Variants in SRPK3 observed in about 807,000 individuals in gnomAD.
The protein encoded by SRPK3 is SFRS protein kinase 3.
In SRPK3, 26 loss-of-function variants were observed where a neutral mutation model predicts 45.3. The ratio of observed to expected loss-of-function variants is 0.57; its 90% CI spans 0.42 to 0.80. The LOEUF (loss-of-function observed/expected upper bound fraction) is 0.80. Among genes scored for constraint, SRPK3 ranks in the 30% least tolerant of loss-of-function variants. The pLI is 0.00. For synonymous variants in SRPK3, 254 were observed against 226.6 expected, an observed-to-expected ratio of 1.12 and a Z score of -1.09; for missense variants, 536 against 514.5, an observed-to-expected ratio of 1.04 and a Z score of -0.40.
rs1281384252 is a variant in SRPK3, at chrX:153,783,257, T to C, written c.774+6T>C. 8.4e-7 allele frequency: 1 copy of C among 1,188,921 alleles called. No individual in the cohort carries two copies. The highest frequency in any genetic ancestry group is 1.1e-6 in the Non-Finnish European group (1 of 883,316). ...CTGCCCCCCAGGAGGTCTTGGTAAG[T>C]TGGGGGGCCCCTCTCTCCCATGCCT... On this transcript the variant is annotated splice_donor_region_variant and intron_variant, in intron 8 of 14. Transcript: ENST00000370101.
chrX:153,785,416 C>T lies in SRPK3; in HGVS notation c.1600C>T (p.Gln534Ter). ...LMEKYEWPLEQATQFSAFLLP... is the reference protein window; with the variant it reads ...LMEKYEWPLE The stretch of plus-strand genomic sequence containing the variant: ...GGAAAAGTACGAGTGGCCCCTAGAG[C>T]AGGCCACACAGTTCAGCGCCTTTCT... Residue 534 changes from glutamine to a stop codon, truncating the protein, a stop_gained, in exon 15 of 15, where the codon CAG becomes TAG. Transcript: ENST00000370101. LOFTEE classifies it high-confidence loss of function. The T allele has an allele frequency of 8.3e-7, 1 of 1,211,064 alleles. No individual in the cohort carries two copies. The highest frequency in any genetic ancestry group is 1.1e-6 in the Non-Finnish European group (1 of 895,233).
Position 153,781,733 on chromosome X carries a change from G to C in SRPK3, c.300-10G>C, listed in dbSNP as rs781924438. The C allele has an allele frequency of 5.8e-6, 7 of 1,209,846 alleles. No homozygotes were observed. The Admixed American group carries it at 8.7e-5, about 15-fold the overall frequency. ...CAGGGCCACAGCCTACAAGGGTCTC[G>C]GTATTGCAGGCGCAAGCGCTTTGTG... is the stretch of plus-strand genomic sequence containing the variant. On this transcript the variant is annotated splice_polypyrimidine_tract_variant and intron_variant, in intron 3 of 14. Coordinates refer to ENST00000370101, the MANE Select transcript of SRPK3 (RefSeq NM_014370.4).
Position 153,783,697 on chromosome X carries a change from T to G in SRPK3, c.775-55T>G. 5.8e-6 allele frequency: 7 copies of G among 1,201,352 alleles called. No homozygotes were observed. The South Asian group carries it at 1.1e-4, about 18-fold the overall frequency. On this transcript the variant is annotated intron_variant, in intron 8 of 14. Coordinates refer to ENST00000370101, the MANE Select transcript of SRPK3 (RefSeq NM_014370.4). ...GGCGGCTGTGCAGGGAAACCTCCACTTCATGCTGACTGGGGCGGGCGACAG... is the reference window on the plus strand; with the variant it reads ...GGCGGCTGTGCAGGGAAACCTCCACGTCATGCTGACTGGGGCGGGCGACAG...
rs1285958295 is a variant in SRPK3, at chrX:153,783,073, A to G, written c.703A>G (p.Thr235Ala). 2.6e-6 allele frequency: 3 copies of G among 1,169,139 alleles called. No individual in the cohort carries two copies. The African/African-American group carries it at 5.3e-5, about 21-fold the overall frequency. Reference protein sequence around the residue: ...AYIRRLAAEATEWQQAGAPPP... With the variant: ...AYIRRLAAEAAEWQQAGAPPP... ...CATCAGGCGCCTGGCTGCCGAGGCCACGGAGTGGCAACAGGCAGGGGCGCC... is the reference window on the plus strand; with the variant it reads ...CATCAGGCGCCTGGCTGCCGAGGCCGCGGAGTGGCAACAGGCAGGGGCGCC... Residue 235 changes from threonine to alanine, a missense_variant, in exon 7 of 15, where the codon ACG becomes GCG. Physicochemically the swap from Thr to Ala is moderately conservative, Grantham distance 58. Transcript: ENST00000370101.
rs782277637 is a variant in SRPK3, at chrX:153,781,128, CGGCGGCAGT to C, written c.43_51del (p.Gly15_Ser17del). On this transcript the variant is annotated inframe_deletion, in exon 1 of 15. Transcript: ENST00000370101. ...GCGGTGGTGGGGACAGCGGCGGCAG[CGGCGGCAGT>C]AGCAGCAGGTAGGGCTCGGCTGGGG... 15 of 1,152,049 alleles carry C rather than the reference CGGCGGCAGT, an allele frequency of 1.3e-5. No homozygotes were observed. Among genetic ancestry groups the C allele is most frequent in the Middle Eastern group, 3.2e-4 (1 of 3,140 alleles). The allele number at this position is 1,152,049 out of a possible 1,213,427, so 94.9% of individuals were successfully genotyped here. A position where few individuals can be genotyped will look rare whatever the true frequency, so the allele number is the denominator to read the frequency against.
In SRPK3 at chrX:153,784,275, C is replaced by A. The variant is rs956411084; in HGVS notation, c.1148-19C>A. 1.4e-5 allele frequency: 17 copies of A among 1,211,328 alleles called. No homozygotes were observed. The highest frequency in any genetic ancestry group is 1.7e-5 in the Non-Finnish European group (15 of 895,444). The stretch of plus-strand genomic sequence containing the variant: ...GCAGTAGTCGGACCACTTCAGTCTC[C>A]CTGCTCTGCCTTCCCCAGCACCATT... On this transcript the variant is annotated intron_variant, in intron 10 of 14. Transcript: ENST00000370101.
intron 7 of SRPK3, 52 bp from the exon 8 acceptor site, chrX:153,783,174 G>A: frequency 1.8e-6 from 2 of 1,138,893 alleles, no homozygotes; most frequent in Admixed American, 2.3e-5. Flanking sequence ...ACCCCTGCCT[G>A]AGTCTCTGTT....
In SRPK3 at chrX:153,784,108, TCA is replaced by T. The variant is rs782573029; in HGVS notation, c.1045_1046del (p.Gln349AspfsTer33). The T allele has an allele frequency of 8.3e-7, 1 of 1,210,793 alleles. No homozygotes were observed. The highest frequency in any genetic ancestry group is 1.1e-6 in the Non-Finnish European group (1 of 895,487). ...PGGGRSLSAG[S>X]QTSGFSGSLF... ...GGGCGGCCGTAGCCTCAGCGCGGGC[TCA>T]CAGACCTCAGGCTTCTCCGGCTCCC... On this transcript the variant is annotated frameshift_variant, in exon 10 of 15. Coordinates refer to ENST00000370101, the MANE Select transcript of SRPK3 (RefSeq NM_014370.4). LOFTEE classifies it high-confidence loss of function.
chrX:153,781,293 G>A lies in SRPK3; in HGVS notation c.137G>A (p.Gly46Asp). 2 of 1,207,363 alleles carry A rather than the reference G, an allele frequency of 1.7e-6. No individual in the cohort carries two copies. Among genetic ancestry groups the A allele is most frequent in the Non-Finnish European group, 2.2e-6 (2 of 893,392 alleles). ...ACACCGGTGCCTCAGATGCTGCAGGGCCTTCTGGGCTCCGACGACGAGGAA... is the reference window on the plus strand; with the variant it reads ...ACACCGGTGCCTCAGATGCTGCAGGACCTTCTGGGCTCCGACGACGAGGAA... ...LATPVPQMLQGLLGSDDEEQE... is the reference protein window; with the variant it reads ...LATPVPQMLQDLLGSDDEEQE... The change falls in exon 2 of 15, where the codon GGC becomes GAC. Residue 46 changes from glycine (G) to aspartate (D), a missense_variant. Transcript: ENST00000370101.
chrX:153,782,010 C>T (rs1207730797), intron 4 of SRPK3, 111 bp from the exon 5 acceptor site: 16 of 889,333 alleles, frequency 1.8e-5, no homozygotes, highest in South Asian at 8.6e-5. Flanking sequence ...GAGGGGTTGG[C>T]GGCCTTTCTT....
intron 5 of SRPK3, 51 bp downstream of exon 5, chrX:153,782,259 T>C (rs782598420): frequency 1.9e-6 from 2 of 1,056,498 alleles, no homozygotes; most frequent in Admixed American, 2.2e-5. Context: ...GGCCGGCAAA[T>C]GGGGGGGCCC....
Position 153,784,299 on chromosome X carries a change from T to C in SRPK3, c.1153T>C (p.Phe385Leu), listed in dbSNP as rs782387164. The stretch of plus-strand genomic sequence containing the variant: ...CCCTGCTCTGCCTTCCCCAGCACCA[T>C]TCGGTGCCTCGAACCTCCTGGTGAA... Reference protein sequence around the residue: ...TGGLLSPSTPFGASNLLVNPL... With the variant: ...TGGLLSPSTPLGASNLLVNPL... Residue 385 changes from phenylalanine (F) to leucine (L), a missense_variant, in exon 11 of 15, where the codon TTC becomes CTC. Phe to Leu is a conservative substitution (Grantham distance 22). Transcript: ENST00000370101. 1.7e-6 allele frequency: 2 copies of C among 1,211,375 alleles called. No individual in the cohort carries two copies. The highest frequency in any genetic ancestry group is 1.7e-5 in the African/African-American group (1 of 57,894).
chrX:153,781,071 G>C lies in SRPK3; in HGVS notation c.-16G>C. 1 of 1,055,635 alleles carries C rather than the reference G, an allele frequency of 9.5e-7. No individual in the cohort carries two copies. The allele number at this position is 1,055,635 out of a possible 1,213,427, so 87.0% of individuals were successfully genotyped here. A position where few individuals can be genotyped will look rare whatever the true frequency, so the allele number is the denominator to read the frequency against. On this transcript the variant is annotated 5_prime_UTR_variant, in exon 1 of 15. Transcript: ENST00000370101. ...CAGCCGCCCGGGGCACCGGAGCTGC[G>C]GGCTGCGTGGCCGGGATGAGCGCCA...
Position 153,781,500 on chromosome X carries a change from G to A in SRPK3, c.191-5G>A. ...TCCACCCCAATCTACATCTCCCCTGGGCAGGCGGCTACCACCCTGTGAAGA... is the reference window on the plus strand; with the variant it reads ...TCCACCCCAATCTACATCTCCCCTGAGCAGGCGGCTACCACCCTGTGAAGA... On this transcript the variant is annotated splice_region_variant and splice_polypyrimidine_tract_variant and intron_variant, in intron 2 of 14. Coordinates refer to ENST00000370101, the MANE Select transcript of SRPK3 (RefSeq NM_014370.4). The A allele has an allele frequency of 8.3e-7, 1 of 1,207,605 alleles. No individual in the cohort carries two copies. The highest frequency in any genetic ancestry group is 1.1e-6 in the Non-Finnish European group (1 of 893,248).
rs370527131 is a variant in SRPK3, at chrX:153,781,283, A to G, written c.127A>G (p.Met43Val). The G allele has an allele frequency of 5.0e-6, 6 of 1,209,572 alleles. No homozygotes were observed. The highest frequency in any genetic ancestry group is 6.7e-6 in the Non-Finnish European group (6 of 894,652). Residue 43 changes from methionine to valine, a missense_variant, in exon 2 of 15, where the codon ATG becomes GTG. By Grantham distance (21) the Met-to-Val change is conservative. Coordinates refer to ENST00000370101, the MANE Select transcript of SRPK3 (RefSeq NM_014370.4). ...AGCCCTGGCCACACCGGTGCCTCAGATGCTGCAGGGCCTTCTGGGCTCCGA... is the reference window on the plus strand; with the variant it reads ...AGCCCTGGCCACACCGGTGCCTCAGGTGCTGCAGGGCCTTCTGGGCTCCGA... ...ELALATPVPQMLQGLLGSDDE... is the reference protein window; with the variant it reads ...ELALATPVPQVLQGLLGSDDE...
At chrX:153,781,166 C>T (rs188506957) in intron 1 of SRPK3, 21 bp downstream of exon 1, 1 of 1,176,164 alleles carries the variant, frequency 8.5e-7, no homozygotes, top group East Asian at 3.2e-5. Context: ...GCTGGGGCAC[C>T]CGGAGCCCCT....
Position 153,781,326 on chromosome X carries a change from A to G in SRPK3, c.170A>G (p.Asp57Gly). 1 of 1,199,290 alleles carries G rather than the reference A, an allele frequency of 8.3e-7. No homozygotes were observed. The highest frequency in any genetic ancestry group is 1.1e-6 in the Non-Finnish European group (1 of 888,915). ...GGCTCCGACGACGAGGAACAGGAAGACCCCAAAGACTACTGCAAGGGTGAG... is the reference window on the plus strand; with the variant it reads ...GGCTCCGACGACGAGGAACAGGAAGGCCCCAAAGACTACTGCAAGGGTGAG... ...LLGSDDEEQEDPKDYCKGGYH... is the reference protein window; with the variant it reads ...LLGSDDEEQEGPKDYCKGGYH... Residue 57 changes from aspartate (D) to glycine (G), a missense_variant, in exon 2 of 15, where the codon GAC becomes GGC. Asp to Gly is a moderately conservative substitution (Grantham distance 94, BLOSUM62 -1). Transcript: ENST00000370101.
chrX:153,784,358 G>A lies in SRPK3; in HGVS notation c.1212G>A (p.Lys404=), dbSNP rs1557068198. The part of the protein sequence containing the change: ...PLEPQNADKI[K]IKIADLGNAC... ...AGCCCCAAAATGCAGATAAGATCAAGATCAAGATCGCAGACCTGGGCAACG... is the reference window on the plus strand; with the variant it reads ...AGCCCCAAAATGCAGATAAGATCAAAATCAAGATCGCAGACCTGGGCAACG... Residue 404 remains lysine, a synonymous_variant, in exon 11 of 15, where the codon AAG becomes AAA. Coordinates refer to ENST00000370101, the MANE Select transcript of SRPK3 (RefSeq NM_014370.4). 1 of 1,211,517 alleles carries A rather than the reference G, an allele frequency of 8.3e-7. No homozygotes were observed.
chrX:153,784,872 G>T lies in SRPK3; in HGVS notation c.1356+15G>T, dbSNP rs1383662733. On this transcript the variant is annotated intron_variant, in intron 12 of 14. Transcript: ENST00000370101. ...CAGCCTGCATGGTACGCCCGCCCGGGCTGCCCTGTGCCCAGGGCCAGCAGC... is the reference window on the plus strand; with the variant it reads ...CAGCCTGCATGGTACGCCCGCCCGGTCTGCCCTGTGCCCAGGGCCAGCAGC... The T allele has an allele frequency of 8.3e-7, 1 of 1,210,036 alleles. No homozygotes were observed. The highest frequency in any genetic ancestry group is 1.7e-5 in the African/African-American group (1 of 57,746).
Sources: gnomAD v4.1 joint callset for allele counts on GRCh38, gnomAD v4.1.1 for gene constraint, MANE v1.5 for transcripts, NCBI Gene and HGNC (gene_info 2026-07-23, HGNC 2026-07-21) for gene names.